EPHA7: variants seen among roughly 807,000 people sequenced by gnomAD.
The protein encoded by EPHA7 is ephrin type-A receptor 7.
EPHA7 carries 25 observed loss-of-function variants against 112.6 expected under a neutral mutation model. That is an observed-to-expected ratio of 0.22 (90% confidence interval 0.16 to 0.31). EPHA7 has a LOEUF of 0.31. Among genes scored for constraint, EPHA7 ranks in the 10% least tolerant of loss-of-function variants. EPHA7 has a pLI of 1.00. For missense variants in EPHA7, 962 were observed against 1,212.6 expected, an observed-to-expected ratio of 0.79 and a Z score of 3.07; for synonymous variants, 437 against 406.5, an observed-to-expected ratio of 1.07 and a Z score of -0.90.
chr6:93,315,084 G>A (rs1035356545), intron 5 of EPHA7, among the ~76,000 whole-genome samples: 1 of 149,494 alleles, frequency 6.7e-6, no homozygotes, highest in Admixed American at 6.6e-5. Context: ...GGATGGTCTC[G>A]ATCTCCTGAC....
In EPHA7 at chr6:93,266,519, C is replaced by T. The variant is rs142872260; in HGVS notation, c.1634-1817G>A. Among the ~76,000 whole-genome samples the T allele has an allele frequency of 1.7e-3, 264 of 151,716 alleles. 1 individual carries two copies. The highest frequency in any genetic ancestry group is 3.1e-3 in the Non-Finnish European group (211 of 67,790). On this transcript the variant is annotated intron_variant, in intron 7 of 16. Transcript: ENST00000369303. ...GTTAATATTTTCATCTATTTCAGGG[C>T]AATACATATTAAAAGTAATTTGCTA... is the stretch of plus-strand genomic sequence containing the variant.
At chr6:93,280,358 T>G (rs1562064433) in intron 5 of EPHA7, among the ~76,000 whole-genome samples, 1 of 152,176 alleles carries the variant, frequency 6.6e-6, no homozygotes, top group African/African-American at 2.4e-5. Context: ...GTGATAACTT[T>G]ATATCAATTA....
chr6:93,317,768 T>G (rs1443454544), intron 5 of EPHA7, among the ~76,000 whole-genome samples: 1 of 152,144 alleles, frequency 6.6e-6, no homozygotes, highest in African/African-American at 2.4e-5. Flanking sequence ...AATCCTTGGT[T>G]GTGTCTAGCA....
At chr6:93,341,733 C>G (rs1346549055) in intron 5 of EPHA7, among the ~76,000 whole-genome samples, 4 of 151,758 alleles carry the variant, frequency 2.6e-5, no homozygotes, top group African/African-American at 9.7e-5. Flanking sequence ...ATGTTAGCTA[C>G]AGTTAATAAT....
chr6:93,305,944 A>C (rs1190884985), intron 5 of EPHA7, among the ~76,000 whole-genome samples: 13 of 151,968 alleles, frequency 8.6e-5, no homozygotes, highest in Admixed American at 8.5e-4. Context: ...TGGCTTTAAA[A>C]TAAATCAGTC....
intron 3 of EPHA7, among the ~76,000 whole-genome samples, chr6:93,366,347 T>G (rs1338527845): frequency 6.6e-6 from 1 of 152,236 alleles, no homozygotes; most frequent in Non-Finnish European, 1.5e-5. Context: ...TTCTACTTCC[T>G]TATTTCCTTG....
intron 3 of EPHA7, among the ~76,000 whole-genome samples, chr6:93,405,225 T>C (rs948099093): frequency 6.6e-6 from 1 of 151,866 alleles, no homozygotes; most frequent in Non-Finnish European, 1.5e-5. Flanking sequence ...TCATTCAAAA[T>C]TATTAATAGA....
chr6:93,250,556 G>A (rs984776524), intron 14 of EPHA7, among the ~76,000 whole-genome samples: 5 of 152,028 alleles, frequency 3.3e-5, no homozygotes, highest in Non-Finnish European at 5.9e-5. Flanking sequence ...AGAATTTGAC[G>A]TAGGCCACAG....
At chr6:93,258,815 G>A (rs904770748) in intron 10 of EPHA7, among the ~76,000 whole-genome samples, 1 of 151,102 alleles carries the variant, frequency 6.6e-6, no homozygotes, top group Non-Finnish European at 1.5e-5. Flanking sequence ...GAATTTATAT[G>A]CACTATGTCT....
chr6:93,368,981 A>C (rs1776648136), intron 3 of EPHA7, among the ~76,000 whole-genome samples: 1 of 152,060 alleles, frequency 6.6e-6, no homozygotes, highest in Admixed American at 6.6e-5. Flanking sequence ...TCATAAAGAA[A>C]TCAGTTTACC....
In EPHA7 at chr6:93,259,234, A is replaced by G. The variant is rs191179925; in HGVS notation, c.1924+120T>C. 113 of 1,239,550 alleles carry G rather than the reference A, an allele frequency of 9.1e-5. No homozygotes were observed. The African/African-American group carries it at 1.6e-3, about 18-fold the overall frequency. The allele number at this position is 1,239,550 out of a possible 1,614,324, so 76.8% of individuals were successfully genotyped here. On this transcript the variant is annotated intron_variant, in intron 10 of 16. Transcript: ENST00000369303. ...CAAGTACAGCCTCACTGCTTCCAAC[A>G]GTTCAGGTAAATGCAAAAGTTCTAT...
At chr6:93,260,825 A>T (rs1770654109) in intron 9 of EPHA7, 1 of 787,780 alleles carries the variant, frequency 1.3e-6, no homozygotes, top group Non-Finnish European at 1.5e-6. Context: ...GAGAGAGGGG[A>T]TAGAAGGAGA....
In EPHA7 at chr6:93,255,941, T is replaced by C; in HGVS notation, c.2269A>G (p.Arg757Gly). ...AGAATATTGCGAGCTGCAAGGTCCC[T>C]GTGAACATATCCCATATCAGCCAAA... The part of the protein sequence containing the change: ...RYLADMGYVH[R>G]DLAARNILVN... The change falls in exon 13 of 17, where the codon AGG becomes GGG. Residue 757 changes from arginine (R) to glycine (G), a missense_variant. Coordinates refer to ENST00000369303, the MANE Select transcript of EPHA7 (RefSeq NM_004440.4). 6.2e-7 allele frequency: 1 copy of C among 1,614,126 alleles called. No individual in the cohort carries two copies.
chr6:93,325,181 C>G (rs1276912918), intron 5 of EPHA7, among the ~76,000 whole-genome samples: 1 of 151,258 alleles, frequency 6.6e-6, no homozygotes, highest in Non-Finnish European at 1.5e-5. Flanking sequence ...ACAAAATAAG[C>G]TATAGCTCAA....
At chr6:93,362,162 T>C (rs1243897732) in intron 3 of EPHA7, among the ~76,000 whole-genome samples, 3 of 152,048 alleles carry the variant, frequency 2.0e-5, no homozygotes, top group African/African-American at 7.2e-5. Flanking sequence ...TGTAATCTTG[T>C]CAGATTTCAT....
chr6:93,355,916 C>T (rs143094609), intron 5 of EPHA7, among the ~76,000 whole-genome samples: 1 of 152,232 alleles, frequency 6.6e-6, no homozygotes, highest in Admixed American at 6.5e-5. Flanking sequence ...CACAAATCTA[C>T]TGATGAACTT....
At chr6:93,281,908 C>T (rs1014445865) in intron 5 of EPHA7, among the ~76,000 whole-genome samples, 6 of 151,818 alleles carry the variant, frequency 4.0e-5, no homozygotes, top group African/African-American at 1.2e-4. Context: ...ACATGCACAT[C>T]AGTATAATCC....
chr6:93,330,903 G>A (rs1332795988), intron 5 of EPHA7, among the ~76,000 whole-genome samples: 1 of 151,248 alleles, frequency 6.6e-6, no homozygotes, highest in African/African-American at 2.4e-5. Context: ...AAGGTGTAAA[G>A]CATTTATTAA....
intron 5 of EPHA7, among the ~76,000 whole-genome samples, chr6:93,321,655 A>G (rs1330537359): frequency 6.6e-6 from 1 of 151,920 alleles, no homozygotes; most frequent in African/African-American, 2.4e-5. Flanking sequence ...CCCACTGGGC[A>G]CTTACGCATC....
Sources: allele counts gnomAD v4.1 joint callset (sites outside exome capture counted in the v4.1 genomes callset), GRCh38; gene constraint gnomAD v4.1.1; transcripts MANE v1.5; gene names NCBI Gene and HGNC (gene_info 2026-07-23, HGNC 2026-07-21).